CYRIA: variants seen among roughly 807,000 people sequenced by gnomAD.
CYRIA encodes the protein CYFIP-related Rac1 interactor A.
Under a neutral mutation model 43.9 loss-of-function variants are expected in CYRIA, and 15 were observed. The observed-to-expected ratio is 0.34, with a 90% CI of 0.23 to 0.53. CYRIA has a LOEUF of 0.53. Ranked by LOEUF, CYRIA falls within the 20% of genes least tolerant of loss-of-function variation. The pLI is 0.94. For synonymous variants in CYRIA, 117 were observed against 136.0 expected, an observed-to-expected ratio of 0.86 and a Z score of 0.97; for missense variants, 236 against 394.2, an observed-to-expected ratio of 0.60 and a Z score of 3.40.
intron 2 of CYRIA, among the ~76,000 whole-genome samples, chr2:16,605,141 A>T (rs1464183759): frequency 6.6e-6 from 1 of 151,722 alleles, no homozygotes; most frequent in African/African-American, 2.4e-5. Context: ...AAAAAAAACC[A>T]CGAAACCATT....
At chr2:16,610,847 T>G (rs564176830) in intron 2 of CYRIA, among the ~76,000 whole-genome samples, 1 of 143,678 alleles carries the variant, frequency 7.0e-6, no homozygotes, top group South Asian at 2.2e-4. Flanking sequence ...TCACCCCTCA[T>G]CATCCTTGGC....
chr2:16,580,936 A>G lies in CYRIA; in HGVS notation c.70+7114T>C, dbSNP rs534898875. Among the ~76,000 whole-genome samples, 23 of 152,292 alleles carry G rather than the reference A, an allele frequency of 1.5e-4. No individual in the cohort carries two copies. The East Asian group carries it at 4.2e-3, about 28-fold the overall frequency. On this transcript the variant is annotated intron_variant, in intron 3 of 11. Coordinates refer to ENST00000381323, the MANE Select transcript of CYRIA (RefSeq NM_030797.4). Reference sequence around the variant, plus strand: ...TAATAAACCTAATACCTTTCTCACAACATATGCAAAAATTAGTTGAAGATC... The same window carrying G: ...TAATAAACCTAATACCTTTCTCACAGCATATGCAAAAATTAGTTGAAGATC...
chr2:16,629,796 T>C (rs1417790684), intron 1 of CYRIA, among the ~76,000 whole-genome samples: 2 of 152,232 alleles, frequency 1.3e-5, no homozygotes, highest in African/African-American at 4.8e-5. Flanking sequence ...AATTAGGGAA[T>C]GCACTTATCT....
At chr2:16,647,769 GC>G (rs1488024319) in intron 1 of CYRIA, among the ~76,000 whole-genome samples, 12 of 152,142 alleles carry the variant, frequency 7.9e-5, no homozygotes, top group Non-Finnish European at 1.5e-4. Context: ...GGCTCACACA[GC>G]CCCCACAACC....
At chr2:16,661,747 C>T (rs990284473) in intron 1 of CYRIA, among the ~76,000 whole-genome samples, 6 of 152,128 alleles carry the variant, frequency 3.9e-5, no homozygotes, top group South Asian at 2.1e-4. Context: ...GCCAAGGAAA[C>T]GACAATGCTG....
Position 16,610,897 on chromosome 2 carries a change from CATATAT to C in CYRIA, c.-11+12961_-11+12966del, listed in dbSNP as rs60848949. 4.7e-3 allele frequency among the ~76,000 whole-genome samples: 437 copies of C among 92,532 alleles called. 8 individuals are homozygous for C. The highest frequency in any genetic ancestry group is 9.6e-3 in the African/African-American group (271 of 28,370). The allele number at this position is 92,532 out of a possible 152,430, so 60.7% of individuals were successfully genotyped here. On this transcript the variant is annotated intron_variant, in intron 2 of 11. Coordinates refer to ENST00000381323, the MANE Select transcript of CYRIA (RefSeq NM_030797.4). Reference sequence around the variant, plus strand: ...TAGGATTGACTTCTTTTAGTCCCAACATATATATATATATATATATATATATATATA... The same window carrying C: ...TAGGATTGACTTCTTTTAGTCCCAACATATATATATATATATATATATATA...
chr2:16,581,437 C>T (rs950435586), intron 3 of CYRIA, among the ~76,000 whole-genome samples: 4 of 152,132 alleles, frequency 2.6e-5, no homozygotes, highest in African/African-American at 9.7e-5. Context: ...AGGAAAATGA[C>T]TGACAATACC....
intron 2 of CYRIA, among the ~76,000 whole-genome samples, chr2:16,612,363 A>G (rs538969469): frequency 6.6e-6 from 1 of 150,836 alleles, no homozygotes; most frequent in African/African-American, 2.4e-5. Flanking sequence ...GAAATAAGGA[A>G]GAAAGAGAAA....
intron 2 of CYRIA, among the ~76,000 whole-genome samples, chr2:16,613,901 G>C (rs755021248): frequency 1.3e-5 from 2 of 152,282 alleles, no homozygotes; most frequent in South Asian, 4.1e-4. Flanking sequence ...GCCAGAAAAC[G>C]GGGCTATGAC....
intron 3 of CYRIA, among the ~76,000 whole-genome samples, chr2:16,576,047 T>G (rs991942527): frequency 1.3e-5 from 2 of 152,150 alleles, no homozygotes; most frequent in African/African-American, 4.8e-5. Context: ...TAAACTTTTT[T>G]CTTTTGTAAA....
intron 1 of CYRIA, among the ~76,000 whole-genome samples, chr2:16,654,623 T>C (rs1352394058): frequency 6.6e-6 from 1 of 152,244 alleles, no homozygotes; most frequent in Admixed American, 6.5e-5. Flanking sequence ...TTTTCAGTCC[T>C]ATGTCTTAAA....
chr2:16,658,531 A>G (rs1179437739), intron 1 of CYRIA, among the ~76,000 whole-genome samples: 1 of 152,212 alleles, frequency 6.6e-6, no homozygotes, highest in African/African-American at 2.4e-5. Context: ...CATCCAACCC[A>G]GGTCTGTTTG....
chr2:16,568,597 G>A lies in CYRIA; in HGVS notation c.71-2830C>T, dbSNP rs567221951. ...AACATAAGAAAAAATGCAAAGCAAC[G>A]AGCCTAGAAAACAAATAAAAATAAA... On this transcript the variant is annotated intron_variant, in intron 3 of 11. Coordinates refer to ENST00000381323, the MANE Select transcript of CYRIA (RefSeq NM_030797.4). 6.6e-5 allele frequency among the ~76,000 whole-genome samples: 10 copies of A among 152,178 alleles called. No homozygotes were observed. The South Asian group carries it at 1.2e-3, about 19-fold the overall frequency.
rs1666349303 is a variant in CYRIA at position 16,552,402 on chromosome 2, G to C, written c.*534C>G. ...CTGATTAATAAAACACGTGCAAACA[G>C]AAAAGTTGCACGTGTGGACTGCAGT... On this transcript the variant is annotated 3_prime_UTR_variant, in exon 12 of 12. Coordinates refer to ENST00000381323, the MANE Select transcript of CYRIA (RefSeq NM_030797.4). 6.6e-6 allele frequency: 1 copy of C among 152,304 alleles called. No individual in the cohort carries two copies. Among genetic ancestry groups the C allele is most frequent in the Admixed American group, 6.5e-5 (1 of 15,276 alleles). The allele number at this position is 152,304 out of a possible 1,614,324, so 9.4% of individuals were successfully genotyped here. A position where few individuals can be genotyped will look rare whatever the true frequency, so the allele number is the denominator to read the frequency against.
intron 2 of CYRIA, among the ~76,000 whole-genome samples, chr2:16,621,961 T>C (rs1480321599): frequency 6.6e-6 from 1 of 152,210 alleles, no homozygotes; most frequent in Non-Finnish European, 1.5e-5. Context: ...CCTGTATCCC[T>C]AGCACCAAGA....
At chr2:16,576,255 AGTGACAG>A (rs1162082141) in intron 3 of CYRIA, among the ~76,000 whole-genome samples, 1 of 152,192 alleles carries the variant, frequency 6.6e-6, no homozygotes, top group East Asian at 1.9e-4. Flanking sequence ...TGCCTACCAC[AGTGACAG>A]GTGATGCGGA....
chr2:16,587,833 G>A (rs1042536975), intron 3 of CYRIA, among the ~76,000 whole-genome samples: 7 of 152,074 alleles, frequency 4.6e-5, no homozygotes, highest in African/African-American at 1.7e-4. Flanking sequence ...CTATGATTGT[G>A]AGGCCTCCTG....
intron 1 of CYRIA, among the ~76,000 whole-genome samples, chr2:16,639,174 C>T (rs1417112296): frequency 3.9e-5 from 6 of 152,184 alleles, no homozygotes; most frequent in Non-Finnish European, 8.8e-5. Flanking sequence ...CTCTGGTAAT[C>T]GCTCGTCCTC....
At chr2:16,571,433 A>T (rs113302625) in intron 3 of CYRIA, among the ~76,000 whole-genome samples, 1,741 of 152,346 alleles carry the variant, frequency 0.011, 35 homozygotes, top group African/African-American at 0.04. Context: ...GCCACAGGGC[A>T]CGACAGCAGG....
Sources: allele counts gnomAD v4.1 joint callset (sites outside exome capture counted in the v4.1 genomes callset), GRCh38; gene constraint gnomAD v4.1.1; transcripts MANE v1.5; gene names NCBI Gene and HGNC (gene_info 2026-07-23, HGNC 2026-07-21).